PPARGC1A: variants seen among roughly 807,000 people sequenced by gnomAD.
PPARGC1A encodes the protein peroxisome proliferator-activated receptor gamma coactivator 1-alpha.
In PPARGC1A, 25 loss-of-function variants were observed where a neutral mutation model predicts 88.7. That is an observed-to-expected ratio of 0.28 (90% CI 0.21 to 0.39). The LOEUF is 0.39. PPARGC1A is among the 10% of genes least tolerant of loss of function. PPARGC1A has a pLI of 1.00. For synonymous variants in PPARGC1A, 363 were observed against 355.6 expected, an observed-to-expected ratio of 1.02 and a Z score of -0.24; for missense variants, 880 against 968.7, an observed-to-expected ratio of 0.91 and a Z score of 1.22.
chr4:23,801,760 G>T lies in PPARGC1A; in HGVS notation c.2263C>A (p.Gln755Lys), dbSNP rs776222383. ...DFELYFCGRK[Q>K]FFKSNYADLD... ...TCTGCATAGTTAGACTTGAAAAATT[G>T]CTTGCGTCCACAAAAGTACAGCTCA... Residue 755 changes from glutamine to lysine, a missense_variant, in exon 12 of 13, where the codon CAA becomes AAA. Coordinates refer to ENST00000264867, the MANE Select transcript of PPARGC1A (RefSeq NM_013261.5). 2 of 1,613,938 alleles carry T rather than the reference G, an allele frequency of 1.2e-6. No individual in the cohort carries two copies. Among genetic ancestry groups the T allele is most frequent in the Admixed American group, 3.3e-5 (2 of 60,010 alleles).
chr4:24,210,655 A>G, the PPARGC1A span, among the ~76,000 whole-genome samples: 1 of 152,358 alleles, frequency 6.6e-6, no homozygotes, highest in South Asian at 2.1e-4. Context: ...TTGCAAGGGC[A>G]TGTGGCCCCG....
the PPARGC1A span, among the ~76,000 whole-genome samples, chr4:23,937,493 G>GAAAAT: frequency 6.8e-6 from 1 of 147,930 alleles, no homozygotes; most frequent in Non-Finnish European, 1.5e-5. Context: ...CTTTTCACTA[G>GAAAAT]AAAATAAAAT....
At chr4:24,003,519 G>A in the PPARGC1A span, among the ~76,000 whole-genome samples, 1 of 152,180 alleles carries the variant, frequency 6.6e-6, no homozygotes, top group Non-Finnish European at 1.5e-5. Context: ...CCCAGGCTGT[G>A]GGGATTAACT....
the PPARGC1A span, among the ~76,000 whole-genome samples, chr4:24,313,065 T>TA: frequency 6.6e-6 from 1 of 151,916 alleles, no homozygotes. Flanking sequence ...TAGAAGGGAT[T>TA]AAAAATGGTG....
At chr4:24,020,730 C>T in the PPARGC1A span, among the ~76,000 whole-genome samples, 2 of 152,118 alleles carry the variant, frequency 1.3e-5, no homozygotes, top group East Asian at 3.9e-4. Flanking sequence ...AGGCGCCTTC[C>T]TCATCCTCAT....
intron 7 of PPARGC1A, among the ~76,000 whole-genome samples, chr4:23,822,988 A>G (rs1007573202): frequency 6.6e-6 from 1 of 152,084 alleles, no homozygotes; most frequent in African/African-American, 2.4e-5. Flanking sequence ...ATTTGCTTTC[A>G]TGCTACTTAT....
intron 1 of PPARGC1A, among the ~76,000 whole-genome samples, chr4:23,896,680 T>A (rs1718640132): frequency 6.6e-6 from 1 of 152,192 alleles, no homozygotes; most frequent in African/African-American, 2.4e-5. Context: ...GTAAAGTCAA[T>A]TTTCTCTTTA....
chr4:23,906,139 C>G (rs1404700896), upstream of PPARGC1A, among the ~76,000 whole-genome samples: 2 of 152,208 alleles, frequency 1.3e-5, no homozygotes, highest in East Asian at 3.9e-4. Context: ...CAGATCAACC[C>G]CTACAGTTAA....
the PPARGC1A span, among the ~76,000 whole-genome samples, chr4:24,373,824 CT>C: frequency 2.0e-5 from 3 of 152,178 alleles, no homozygotes; most frequent in Non-Finnish European, 4.4e-5. Flanking sequence ...TTATTTTCAC[CT>C]TTTTCACTTT....
chr4:24,352,167 C>G, the PPARGC1A span, among the ~76,000 whole-genome samples: 3 of 151,844 alleles, frequency 2.0e-5, no homozygotes, highest in African/African-American at 2.4e-5. Context: ...AGCCTGGGAT[C>G]GGAGGGACAG....
intron 2 of PPARGC1A, among the ~76,000 whole-genome samples, chr4:23,844,047 T>G (rs1209136079): frequency 3.3e-5 from 5 of 151,576 alleles, no homozygotes; most frequent in Non-Finnish European, 7.4e-5. Flanking sequence ...CACATATTTA[T>G]TGAGTGCCTA....
At chr4:24,204,568 G>A in the PPARGC1A span, among the ~76,000 whole-genome samples, 1 of 152,060 alleles carries the variant, frequency 6.6e-6, no homozygotes, top group Non-Finnish European at 1.5e-5. Flanking sequence ...TGGAAACTAC[G>A]CCTGGCCACA....
the PPARGC1A span, among the ~76,000 whole-genome samples, chr4:23,996,393 C>A: frequency 6.6e-6 from 1 of 152,064 alleles, no homozygotes. Flanking sequence ...TTCGTCTTAC[C>A]TTCTTTCAAT....
At chr4:24,320,708 T>G in the PPARGC1A span, among the ~76,000 whole-genome samples, 2 of 152,218 alleles carry the variant, frequency 1.3e-5, no homozygotes, top group Non-Finnish European at 2.9e-5. Flanking sequence ...GAAGCTCTTC[T>G]TGGGTGTGTG....
chr4:23,950,199 A>T, the PPARGC1A span, among the ~76,000 whole-genome samples: 3 of 152,138 alleles, frequency 2.0e-5, no homozygotes. Flanking sequence ...ATACTGATAT[A>T]AATCTTCCCT....
At chr4:24,258,436 C>G in the PPARGC1A span, among the ~76,000 whole-genome samples, 2 of 152,126 alleles carry the variant, frequency 1.3e-5, no homozygotes, top group Admixed American at 1.3e-4. Context: ...ACCCATCTTT[C>G]CCAAGGGGAC....
At chr4:23,903,548 GTGAGTTCTTGACTA>G (rs529395064), upstream of PPARGC1A, among the ~76,000 whole-genome samples, 78 of 152,288 alleles carry the variant, frequency 5.1e-4, no homozygotes, top group Non-Finnish European at 8.4e-4. Flanking sequence ...TAGTTTAAGT[GTGAGTTCTTGACTA>G]TGAGTTCCTG....
chr4:24,231,896 A>T, the PPARGC1A span, among the ~76,000 whole-genome samples: 1 of 152,224 alleles, frequency 6.6e-6, no homozygotes, highest in Non-Finnish European at 1.5e-5. Context: ...GGAAAAAAGT[A>T]ACAACTATTC....
chr4:24,112,388 C>G, the PPARGC1A span, among the ~76,000 whole-genome samples: 1,559 of 152,132 alleles, frequency 0.01, 30 homozygotes, highest in African/African-American at 0.035. Flanking sequence ...TTTTTTATAT[C>G]TCTTTATTTT....
Sources: gnomAD v4.1 joint callset for allele counts (sites outside exome capture counted in the v4.1 genomes callset) on GRCh38, gnomAD v4.1.1 for gene constraint, MANE v1.5 for transcripts, NCBI Gene and HGNC (gene_info 2026-07-23, HGNC 2026-07-21) for gene names.